The following DEAF1 variants were observed in gnomAD, a reference collection of about 807,000 sequenced individuals.
DEAF1 encodes deformed epidermal autoregulatory factor 1 homolog.
Under a neutral mutation model 58.9 loss-of-function variants are expected in DEAF1, and 53 were observed. That is an observed-to-expected ratio of 0.90 (90% CI 0.72 to 1.13). DEAF1 has a LOEUF of 1.13. Ranked by LOEUF, DEAF1 falls within the 50% of genes most tolerant of loss-of-function variation. The probability of loss-of-function intolerance (pLI) is 0.00; values close to 1 mark genes in which losing one functional copy is unlikely to be tolerated. For missense variants in DEAF1, 685 were observed against 791.4 expected (o/e 0.87, Z 1.61); for synonymous variants, 385 against 340.4 (o/e 1.13, Z -1.44).
At chr11:700,868 G>A (rs1861423942) in intron 1 of DEAF1, 7 of 694,126 alleles carry the variant, frequency 1.0e-5, no homozygotes, top group South Asian at 8.4e-5. Context: ...GTGTCATTAA[G>A]TATTAATCAA....
intron 5 of DEAF1, 107 bp from the exon 6 acceptor site, chr11:685,070 A>T (rs1860531382): frequency 2.3e-6 from 2 of 860,484 alleles, no homozygotes; most frequent in Non-Finnish European, 3.6e-6. Flanking sequence ...ACCATTCATA[A>T]ATATAAAAAT....
At chr11:658,312 C>A (rs945092774) in intron 10 of DEAF1, among the ~76,000 whole-genome samples, 1 of 152,132 alleles carries the variant, frequency 6.6e-6, no homozygotes, top group Non-Finnish European at 1.5e-5. Flanking sequence ...GCCTGTACTC[C>A]CGGCTACTCG....
At chr11:652,981 G>A (rs1369129619) in intron 11 of DEAF1, among the ~76,000 whole-genome samples, 2 of 149,638 alleles carry the variant, frequency 1.3e-5, no homozygotes, top group African/African-American at 4.9e-5. Flanking sequence ...CTACTCGGGA[G>A]GCTGAGGCAG....
chr11:659,872 A>G (rs982015881), intron 10 of DEAF1, among the ~76,000 whole-genome samples: 1 of 152,108 alleles, frequency 6.6e-6, no homozygotes, highest in Non-Finnish European at 1.5e-5. Context: ...AACCTGCTGG[A>G]CCCTGAAGCC....
rs1484779821 is a variant in DEAF1, at chr11:645,158, A to T, written c.1594-504T>A. ...AGCCCGGGTGACAGAACAACTCCAT[A>T]TCAAAAAAAAAAAAAAAAAAAGTCA... is the stretch of plus-strand genomic sequence containing the variant. On this transcript the variant is annotated intron_variant, in intron 11 of 11. Transcript: ENST00000382409. 2.7e-5 allele frequency among the ~76,000 whole-genome samples: 3 copies of T among 110,072 alleles called. No homozygotes were observed. In the Admixed American group the frequency reaches 3.0e-4, roughly 11 times the overall value. 72.2% of individuals were successfully genotyped at this position (110,072 alleles called of 152,430 possible).
chr11:688,385 C>T lies in DEAF1; in HGVS notation c.463G>A (p.Gly155Arg), dbSNP rs938689506. 2 of 1,613,912 alleles carry T rather than the reference C, an allele frequency of 1.2e-6. No individual in the cohort carries two copies. The highest frequency in any genetic ancestry group is 1.7e-6 in the Non-Finnish European group (2 of 1,180,036). Residue 155 changes from glycine to arginine, a missense_variant, in exon 3 of 12, where the codon GGG becomes AGG. Physicochemically the swap from Gly to Arg is moderately radical, Grantham distance 125. Around this residue, in one of 3 missense-constraint regions of DEAF1, gnomAD observed 132 missense variants for 234.3 expected, o/e 0.56. Transcript: ENST00000382409. The surrounding 1 kb of genome is among the most constrained non-coding windows in gnomAD (Gnocchi z 4.3). ...KATLIVVHTD[G>R]SIVETTGLKG... ...AGCCCGGTGGTCTCCACGATGCTCC[C>T]ATCTGTGTGGACGACAATCAGTGTC...
intron 6 of DEAF1, among the ~76,000 whole-genome samples, chr11:683,816 A>G (rs905037371): frequency 2.0e-5 from 3 of 152,080 alleles, no homozygotes; most frequent in African/African-American, 7.2e-5. Context: ...TTTCTTTAGT[A>G]TCTTCCACGT....
At chr11:653,609 T>A (rs183193404) in intron 11 of DEAF1, among the ~76,000 whole-genome samples, 3 of 140,274 alleles carry the variant, frequency 2.1e-5, no homozygotes, top group South Asian at 2.3e-4. Context: ...CTGTGGACAG[T>A]CTCTCTCACG....
rs555222346 is a variant in DEAF1 at position 688,786 on chromosome 11, G to A, written c.388-326C>T. Among the ~76,000 whole-genome samples the A allele has an allele frequency of 6.6e-6, 1 of 152,306 alleles. No homozygotes were observed. Among genetic ancestry groups the A allele is most frequent in the Non-Finnish European group, 1.5e-5 (1 of 68,034 alleles). ...GCTCCCACAAGGTCACCGTCTTCAT[G>A]CAGAGTTTCCAACAGACCGAGTTGG... On this transcript the variant is annotated intron_variant, in intron 2 of 11. Transcript: ENST00000382409. The surrounding 1 kb of genome is among the most constrained non-coding windows in gnomAD (Gnocchi z 4.3).
chr11:684,219 A>C (rs1860489443), intron 6 of DEAF1, among the ~76,000 whole-genome samples: 1 of 151,052 alleles, frequency 6.6e-6, no homozygotes. Context: ...GGAGTTTGAG[A>C]CCAGCCTGAC....
intron 1 of DEAF1, chr11:705,535 C>T (rs11246275): frequency 0.23 from 36,085 of 153,816 alleles, 4,554 homozygotes; most frequent in Admixed American, 0.29. Context: ...CCTCCCCTGA[C>T]ACCCCATCCC....
chr11:694,272 G>GAA (rs1860985179), intron 1 of DEAF1, among the ~76,000 whole-genome samples: 1 of 150,656 alleles, frequency 6.6e-6, no homozygotes, highest in African/African-American at 2.5e-5. Context: ...GTGAGGCTAG[G>GAA]CAGGTCACCA....
rs899523429 is a variant in DEAF1, at chr11:677,033, C to T, written c.1255+1661G>A. On this transcript the variant is annotated intron_variant, in intron 9 of 11. Coordinates refer to ENST00000382409, the MANE Select transcript of DEAF1 (RefSeq NM_021008.4). ...ACACCTTGTACCAGGGGCAAGCGGTCGATGCGAACCCCAGCCCTCCTGGAG... is the reference window on the plus strand; with the variant it reads ...ACACCTTGTACCAGGGGCAAGCGGTTGATGCGAACCCCAGCCCTCCTGGAG... Among the ~76,000 whole-genome samples, 98 of 152,258 alleles carry T rather than the reference C, an allele frequency of 6.4e-4. 1 individual carries two copies. In the Middle Eastern group the frequency reaches 0.014, roughly 21 times the overall value.
intron 10 of DEAF1, among the ~76,000 whole-genome samples, chr11:668,330 A>G (rs552340361): frequency 5.9e-5 from 9 of 152,358 alleles, no homozygotes; most frequent in African/African-American, 2.2e-4. Flanking sequence ...CATTACAGAA[A>G]ACGAAAACCA....
chr11:679,664 C>T (rs1860253857), intron 8 of DEAF1, 24 bp downstream of exon 8: 1 of 1,609,220 alleles, frequency 6.2e-7, no homozygotes, highest in Middle Eastern at 1.6e-4. Flanking sequence ...GAGGACGCGT[C>T]AGGCAGGCAC....
chr11:644,585 C>G lies in DEAF1; in HGVS notation c.1663G>C (p.Val555Leu), dbSNP rs532671271. The G allele has an allele frequency of 1.2e-6, 2 of 1,613,064 alleles. No individual in the cohort carries two copies. The highest frequency in any genetic ancestry group is 1.1e-5 in the South Asian group (1 of 91,046). The change falls in exon 12 of 12, where the codon GTG (valine) becomes CTG (leucine). Residue 555 changes from valine (V) to leucine (L), a missense_variant. By Grantham distance (32) the Val-to-Leu change is conservative. Coordinates refer to ENST00000382409, the MANE Select transcript of DEAF1 (RefSeq NM_021008.4). The surrounding 1 kb of genome is among the most constrained non-coding windows in gnomAD (Gnocchi z 4.3). ...ACCTTCTCCATCACGCTTTCAGCCA[C>G]GTGGACTTCGTCTGCCTGGACGGTG... ...AVTVQADEVH[V>L]AESVMEKVTV
At chr11:663,234 C>T (rs375441714) in intron 10 of DEAF1, among the ~76,000 whole-genome samples, 15 of 152,170 alleles carry the variant, frequency 9.9e-5, no homozygotes, top group African/African-American at 3.1e-4. Context: ...ATCACCTGAA[C>T]GCAGGAGTTC....
In DEAF1 at chr11:691,088, TGC is replaced by T. The variant is rs1357743721; in HGVS notation, c.387+411_387+412del. 5.9e-5 allele frequency among the ~76,000 whole-genome samples: 9 copies of T among 152,376 alleles called. No individual in the cohort carries two copies. In the East Asian group the frequency reaches 1.7e-3, roughly 29 times the overall value. ...TAGACAGCAGTCAGGCGTGGGAGACTGCACCATAAATGCTACGAGAACAGGAT... is the reference window on the plus strand; with the variant it reads ...TAGACAGCAGTCAGGCGTGGGAGACTACCATAAATGCTACGAGAACAGGAT... On this transcript the variant is annotated intron_variant, in intron 2 of 11. Coordinates refer to ENST00000382409, the MANE Select transcript of DEAF1 (RefSeq NM_021008.4).
At chr11:674,203 T>G in intron 10 of DEAF1, 1 of 359,112 alleles carries the variant, frequency 2.8e-6, no homozygotes, top group South Asian at 2.3e-5. Flanking sequence ...CCAAACTTCA[T>G]AAAATATAAG....
Sources: allele counts gnomAD v4.1 joint callset (sites outside exome capture counted in the v4.1 genomes callset), GRCh38; gene constraint gnomAD v4.1.1; regional missense constraint gnomAD v4.1.1; non-coding constraint Gnocchi (gnomAD v3.1); transcripts MANE v1.5; gene names NCBI Gene and HGNC (gene_info 2026-07-23, HGNC 2026-07-21).